The following BSN variants were observed in gnomAD, a reference collection of about 807,000 sequenced individuals.
The protein encoded by BSN is protein bassoon.
In BSN, 57 loss-of-function variants were observed where a neutral mutation model predicts 264.8. The observed-to-expected ratio is 0.22, with a 90% CI of 0.17 to 0.27. The LOEUF is 0.27. Ranked by LOEUF, BSN falls within the 10% of genes least tolerant of loss-of-function variation. The pLI is 1.00. For missense variants in BSN, 4,615 were observed against 5,232.5 expected (o/e 0.88, Z 3.64); for synonymous variants, 2,059 against 2,137.3 (o/e 0.96, Z 1.01).
intron 1 of BSN, among the ~76,000 whole-genome samples, chr3:49,571,353 T>C (rs1406576249): frequency 1.3e-5 from 2 of 151,974 alleles, no homozygotes; most frequent in Non-Finnish European, 2.9e-5. Flanking sequence ...TACTTTGGAA[T>C]AAGAAAGCTT....
At chr3:49,581,834 CA>C (rs1158551592) in intron 1 of BSN, among the ~76,000 whole-genome samples, 2 of 151,396 alleles carry the variant, frequency 1.3e-5, no homozygotes, top group Non-Finnish European at 2.9e-5. Flanking sequence ...AAAAAAAACC[CA>C]AAAAACAAAA....
At chr3:49,560,811 G>A (rs1415184220) in intron 1 of BSN, among the ~76,000 whole-genome samples, 1 of 152,214 alleles carries the variant, frequency 6.6e-6, no homozygotes, top group Non-Finnish European at 1.5e-5. Context: ...TAGAATTTTG[G>A]TGTCTCACTC....
intron 1 of BSN, among the ~76,000 whole-genome samples, chr3:49,580,557 G>C (rs1235741023): frequency 6.6e-6 from 1 of 151,648 alleles, no homozygotes; most frequent in Non-Finnish European, 1.5e-5. Flanking sequence ...TCAGCCTCCC[G>C]GGCTCAAGCA....
intron 1 of BSN, among the ~76,000 whole-genome samples, chr3:49,604,147 C>T (rs2052093289): frequency 6.6e-6 from 1 of 151,874 alleles, no homozygotes; most frequent in Non-Finnish European, 1.5e-5. Flanking sequence ...TGGCCTTCAA[C>T]TCCTGGGCTC....
chr3:49,653,441 T>C lies in BSN; in HGVS notation c.3885T>C (p.Ser1295=), dbSNP rs2052562475. ...AGAAGCAGTTTCTAAATGCTGAGAG[T>C]GCATACATGGACCCAATGAAGCAAA... ...KKEKQFLNAE[S]AYMDPMKQNG... Residue 1295 remains serine (S), a synonymous_variant, in exon 5 of 12, where the codon AGT becomes AGC. Coordinates refer to ENST00000296452, the MANE Select transcript of BSN (RefSeq NM_003458.4). This position sits in a 1 kb window ranked among gnomAD's most constrained non-coding sequence, Gnocchi z 6.3. 1 of 1,613,862 alleles carries C rather than the reference T, an allele frequency of 6.2e-7. No homozygotes were observed. The highest frequency in any genetic ancestry group is 2.2e-5 in the East Asian group (1 of 44,872).
At position 49,642,910 on chromosome 3, in the gene BSN, C is replaced by T; in HGVS notation, c.1276C>T (p.Pro426Ser). The change falls in exon 3 of 12, where the codon CCT (proline) becomes TCT (serine). Residue 426 changes from proline (P) to serine (S), a missense_variant. This residue lies in a region of BSN where 1,197 missense variants were observed against 1,348.0 expected (regional missense o/e 0.89). Coordinates refer to ENST00000296452, the MANE Select transcript of BSN (RefSeq NM_003458.4). The surrounding 1 kb of genome is among the most constrained non-coding windows in gnomAD (Gnocchi z 7.0). ...PGARMGPGSG[P>S]GALPKTGGTT... ...GGCTAGAATGGGTCCTGGATCTGGACCTGGAGCCCTGCCGAAAACTGGGGG... is the reference window on the plus strand; with the variant it reads ...GGCTAGAATGGGTCCTGGATCTGGATCTGGAGCCCTGCCGAAAACTGGGGG... 1.9e-6 allele frequency: 3 copies of T among 1,613,944 alleles called. No individual in the cohort carries two copies. The highest frequency in any genetic ancestry group is 1.1e-5 in the South Asian group (1 of 91,076).
Position 49,607,383 on chromosome 3 carries a change from G to A in BSN, c.225-17592G>A, listed in dbSNP as rs544813994. Reference sequence around the variant, plus strand: ...GGCTCAGTCTGGCCCAGGCATTCTGGGTGTGGTGATTCAGGGCTGGGCTAG... The same window carrying A: ...GGCTCAGTCTGGCCCAGGCATTCTGAGTGTGGTGATTCAGGGCTGGGCTAG... On this transcript the variant is annotated intron_variant, in intron 1 of 11. Coordinates refer to ENST00000296452, the MANE Select transcript of BSN (RefSeq NM_003458.4). Among the ~76,000 whole-genome samples the A allele has an allele frequency of 1.5e-4, 23 of 152,290 alleles. No individual in the cohort carries two copies. The South Asian group carries it at 4.6e-3, about 30-fold the overall frequency.
intron 1 of BSN, among the ~76,000 whole-genome samples, chr3:49,613,400 G>A (rs1359101217): frequency 6.8e-6 from 1 of 146,344 alleles, no homozygotes. Flanking sequence ...GAAAACAGAG[G>A]GGCTAGCTAT....
At chr3:49,596,161 T>C (rs1463664634) in intron 1 of BSN, among the ~76,000 whole-genome samples, 1 of 152,096 alleles carries the variant, frequency 6.6e-6, no homozygotes, top group African/African-American at 2.4e-5. Flanking sequence ...TCTCAGCATT[T>C]TGGGAGGCCG....
chr3:49,594,084 G>T (rs558905807), intron 1 of BSN, among the ~76,000 whole-genome samples: 1 of 152,064 alleles, frequency 6.6e-6, no homozygotes, highest in Non-Finnish European at 1.5e-5. Flanking sequence ...GAGCCACCAC[G>T]CCCGGCCGCT....
chr3:49,613,553 G>A (rs2052229594), intron 1 of BSN, among the ~76,000 whole-genome samples: 1 of 151,682 alleles, frequency 6.6e-6, no homozygotes, highest in South Asian at 2.1e-4. Flanking sequence ...GGAGTGGAGT[G>A]GTGCAGTCTC....
chr3:49,652,577 C>G lies in BSN; in HGVS notation c.3021C>G (p.Asp1007Glu). 1 of 1,613,378 alleles carries G rather than the reference C, an allele frequency of 6.2e-7. No individual in the cohort carries two copies. Among genetic ancestry groups the G allele is most frequent in the Non-Finnish European group, 8.5e-7 (1 of 1,179,904 alleles). ...TGTCCTCCCTAGAGGAGGACAGTGA[C>G]AGCAGCCCCAGCCGCAGGCAGCGTC... Reference protein sequence around the residue: ...TSLSSLEEDSDSSPSRRQRLE... With the variant: ...TSLSSLEEDSESSPSRRQRLE... The change falls in exon 5 of 12, where the codon GAC becomes GAG. Residue 1007 changes from aspartate (D) to glutamate (E), a missense_variant. By Grantham distance (45) the Asp-to-Glu change is conservative (BLOSUM62 2). Coordinates refer to ENST00000296452, the MANE Select transcript of BSN (RefSeq NM_003458.4).
At chr3:49,581,788 C>T (rs1046426628) in intron 1 of BSN, among the ~76,000 whole-genome samples, 5 of 151,902 alleles carry the variant, frequency 3.3e-5, no homozygotes, top group Admixed American at 3.3e-4. Flanking sequence ...CGCGCCACTG[C>T]ACTCTAGCCT....
intron 1 of BSN, among the ~76,000 whole-genome samples, chr3:49,611,622 C>T (rs1258784716): frequency 2.6e-5 from 4 of 152,222 alleles, no homozygotes; most frequent in East Asian, 1.9e-4. Context: ...TCCAGTTAGA[C>T]GTTCCCTCAG....
chr3:49,650,521 C>T (rs1183999001), intron 3 of BSN, 91 bp from the exon 4 acceptor site: 3 of 1,273,688 alleles, frequency 2.4e-6, no homozygotes, highest in Non-Finnish European at 3.3e-6. Context: ...TTCTCTCCTC[C>T]CTAAGGTTAC....
intron 1 of BSN, among the ~76,000 whole-genome samples, chr3:49,598,662 C>T (rs1055553502): frequency 6.6e-6 from 1 of 152,138 alleles, no homozygotes; most frequent in Non-Finnish European, 1.5e-5. Flanking sequence ...CCACCTCGGC[C>T]TCCCAAACTG....
Position 49,661,506 on chromosome 3 carries a change from A to T in BSN, c.9661A>T (p.Thr3221Ser), listed in dbSNP as rs1415945855. The T allele has an allele frequency of 6.2e-7, 1 of 1,614,056 alleles. No homozygotes were observed. The highest frequency in any genetic ancestry group is 1.7e-5 in the Admixed American group (1 of 60,024). Residue 3221 changes from threonine (T) to serine (S), a missense_variant, in exon 6 of 12, where the codon ACC becomes TCC. Thr to Ser is a moderately conservative substitution (Grantham distance 58). Coordinates refer to ENST00000296452, the MANE Select transcript of BSN (RefSeq NM_003458.4). ...APTYPSDSHYTSLEQNVPRNY... is the reference protein window; with the variant it reads ...APTYPSDSHYSSLEQNVPRNY... ...CACCTACCCCTCTGACTCACACTAT[A>T]CCAGTCTGGAGCAGAACGTTCCTCG...
intron 2 of BSN, among the ~76,000 whole-genome samples, chr3:49,632,712 G>A (rs182737831): frequency 6.6e-6 from 1 of 152,238 alleles, no homozygotes; most frequent in Non-Finnish European, 1.5e-5. Context: ...GCTGAGGCAG[G>A]AGAATCGCTT....
At chr3:49,607,590 C>T (rs1038646731) in intron 1 of BSN, among the ~76,000 whole-genome samples, 30 of 152,352 alleles carry the variant, frequency 2.0e-4, no homozygotes, top group African/African-American at 6.3e-4. Flanking sequence ...CACACATGCA[C>T]GTGTGCACAC....
Sources: gnomAD v4.1 joint callset for allele counts (sites outside exome capture counted in the v4.1 genomes callset) on GRCh38, gnomAD v4.1.1 for gene constraint, gnomAD v4.1.1 regional missense constraint, Gnocchi (gnomAD v3.1) non-coding constraint, MANE v1.5 for transcripts, NCBI Gene and HGNC (gene_info 2026-07-23, HGNC 2026-07-21) for gene names.